Variants in RYR1 observed in about 807,000 individuals in gnomAD.
RYR1 encodes the protein central core disease of muscle.
A neutral mutation model predicts 583.5 loss-of-function variants in RYR1; 342 were observed. The observed-to-expected ratio is 0.59, with a 90% CI of 0.54 to 0.64. RYR1 has a LOEUF of 0.64. Ranked by LOEUF, RYR1 falls within the 30% of genes least tolerant of loss-of-function variation. The probability of loss-of-function intolerance (pLI) is 0.00; values close to 1 mark genes in which losing one functional copy is unlikely to be tolerated. For synonymous variants in RYR1, 2,791 were observed against 2,822.5 expected (o/e 0.99, Z 0.35); for missense variants, 6,032 against 6,917.2 (o/e 0.87, Z 4.54).
At chr19:38,473,338 C>T (rs767982254) in intron 27 of RYR1, 39 bp from the exon 28 acceptor site, 24 of 1,612,332 alleles carry the variant, frequency 1.5e-5, no homozygotes, top group South Asian at 1.2e-4. Context: ...TGGCCTAGCC[C>T]GCCTGCCCAG....
intron 39 of RYR1, among the ~76,000 whole-genome samples, chr19:38,495,449 G>T (rs1029215466): frequency 6.6e-6 from 1 of 152,168 alleles, no homozygotes; most frequent in East Asian, 1.9e-4. Context: ...GGGCTCAAGC[G>T]ATCCTCCTGC....
Position 38,440,854 on chromosome 19 carries a change from G to T in RYR1, c.155G>T (p.Ser52Ile), listed in dbSNP as rs756570405. Reference protein sequence around the residue: ...GNRLCFLEPTSNAQNVPPDLA... With the variant: ...GNRLCFLEPTINAQNVPPDLA... ...CGCCTGTGCTTCCTGGAGCCCACTA[G>T]CAACGCGCAGGTCTGTGCAGGAGGG... The change falls in exon 2 of 106, where the codon AGC becomes ATC. Residue 52 changes from serine (S) to isoleucine (I), a missense_variant. Transcript: ENST00000359596. 6.2e-7 allele frequency: 1 copy of T among 1,612,024 alleles called. No homozygotes were observed. Among genetic ancestry groups the T allele is most frequent in the Non-Finnish European group, 8.5e-7 (1 of 1,179,708 alleles).
chr19:38,539,019 A>G (rs1266640755), intron 84 of RYR1, among the ~76,000 whole-genome samples: 1 of 152,144 alleles, frequency 6.6e-6, no homozygotes, highest in Non-Finnish European at 1.5e-5. Context: ...CGTGACAAGA[A>G]TTGGAGTAAT....
chr19:38,570,512 C>T, intron 93 of RYR1, 95 bp from the exon 94 acceptor site: 1 of 824,732 alleles, frequency 1.2e-6, no homozygotes, highest in Non-Finnish European at 2.1e-6. Flanking sequence ...ATATTGAGAG[C>T]CCAGGTACTT....
Position 38,523,318 on chromosome 19 carries a change from T to C in RYR1, c.10440+9T>C, listed in dbSNP as rs1362049440. The C allele has an allele frequency of 3.1e-6, 5 of 1,614,022 alleles. No individual in the cohort carries two copies. The highest frequency in any genetic ancestry group is 1.6e-4 in the Middle Eastern group (1 of 6,084). ...AAAGCAAAATGGCTAAGGTCGGGGC[T>C]TGGTTCTGGGAGGAGCACTTGGCAG... On this transcript the variant is annotated intron_variant, in intron 69 of 105. Coordinates refer to ENST00000359596, the MANE Select transcript of RYR1 (RefSeq NM_000540.3).
chr19:38,444,242 TCTC>T lies in RYR1; in HGVS notation c.523_525del (p.Ser175del), dbSNP rs1972831577. On this transcript the variant is annotated inframe_deletion, in exon 6 of 106. Coordinates refer to ENST00000359596, the MANE Select transcript of RYR1 (RefSeq NM_000540.3). The surrounding 1 kb of genome is among the most constrained non-coding windows in gnomAD (Gnocchi z 5.1). ...GGGGATGACATCATCCTTGTCAGTG[TCTC>T]CTCCGAGCGCTACCTGGTGAGCCAT... 6.2e-7 allele frequency: 1 copy of T among 1,613,800 alleles called. No homozygotes were observed.
At chr19:38,505,758 CCT>C (rs1207804531) in intron 53 of RYR1, 46 bp from the exon 54 acceptor site, 3 of 1,612,232 alleles carry the variant, frequency 1.9e-6, no homozygotes, top group African/African-American at 2.7e-5. Flanking sequence ...TTCCTCCACC[CCT>C]CTCTCATCCC....
intron 84 of RYR1, among the ~76,000 whole-genome samples, chr19:38,541,880 C>T (rs1001780102): frequency 5.3e-5 from 8 of 151,382 alleles, no homozygotes; most frequent in Admixed American, 2.0e-4. Flanking sequence ...GCCAGGAGTT[C>T]GAGACCAGCC....
intron 27 of RYR1, among the ~76,000 whole-genome samples, chr19:38,472,181 C>T (rs747955593): frequency 3.9e-5 from 6 of 152,156 alleles, no homozygotes; most frequent in Non-Finnish European, 7.3e-5. Context: ...TCCCCACAAC[C>T]TCTGCCTCCC....
At chr19:38,477,626 T>C in intron 29 of RYR1, 84 bp from the exon 30 acceptor site, 1 of 1,579,314 alleles carries the variant, frequency 6.3e-7, no homozygotes. Context: ...GACCCAACAG[T>C]CCAGGGAAAC....
intron 87 of RYR1, among the ~76,000 whole-genome samples, chr19:38,544,877 A>C (rs1972355904): frequency 1.3e-5 from 2 of 152,172 alleles, no homozygotes; most frequent in Admixed American, 1.3e-4. Context: ...GTGGTGGCTT[A>C]AGAAAAATAA....
intron 1 of RYR1, among the ~76,000 whole-genome samples, chr19:38,434,941 A>T (rs1445722813): frequency 6.6e-6 from 1 of 152,140 alleles, no homozygotes; most frequent in Non-Finnish European, 1.5e-5. Context: ...AGGAACAAAC[A>T]GCTGGGGCTG....
intron 25 of RYR1, 189 bp downstream of exon 25, chr19:38,468,001 ACATC>A: frequency 1.6e-6 from 1 of 621,412 alleles, no homozygotes; most frequent in Admixed American, 2.5e-5. Flanking sequence ...GATCTATCAG[ACATC>A]CATCTATCCA....
intron 2 of RYR1, among the ~76,000 whole-genome samples, chr19:38,441,356 A>C (rs1972673862): frequency 1.3e-5 from 2 of 149,568 alleles, no homozygotes; most frequent in African/African-American, 4.9e-5. Context: ...TTCAGGTAAC[A>C]AGACTGAATT....
rs1970202529 is a variant in RYR1 at position 38,502,751 on chromosome 19, T to TGGCGCA, written c.7835+26_7835+27insCGCAGG. On this transcript the variant is annotated intron_variant, in intron 48 of 105. Coordinates refer to ENST00000359596, the MANE Select transcript of RYR1 (RefSeq NM_000540.3). Reference sequence around the variant, plus strand: ...AGGTGGAGCGGGGCAGGCTTCAGGGTGGGGCAGGGGCAGGGGCAGGGGCAG... The same window carrying TGGCGCA: ...AGGTGGAGCGGGGCAGGCTTCAGGGTGGCGCAGGGGCAGGGGCAGGGGCAGGGGCAG... 7 of 1,046,154 alleles carry TGGCGCA rather than the reference T, an allele frequency of 6.7e-6. No individual in the cohort carries two copies. In the African/African-American group the frequency reaches 1.8e-4, roughly 26 times the overall value. 64.8% of individuals were successfully genotyped at this position (1,046,154 alleles called of 1,614,324 possible).
At chr19:38,515,165 C>A (rs1363672574) in intron 64 of RYR1, 58 bp downstream of exon 64, 2 of 1,161,390 alleles carry the variant, frequency 1.7e-6, no homozygotes, top group South Asian at 1.2e-5. Flanking sequence ...AGGGAGGGAG[C>A]AGGGGAAGAA....
intron 27 of RYR1, among the ~76,000 whole-genome samples, chr19:38,472,473 G>A (rs1968474536): frequency 6.6e-6 from 1 of 152,090 alleles, no homozygotes; most frequent in African/African-American, 2.4e-5. Context: ...ACAAGAGCGA[G>A]GTCTGGTAGA....
At chr19:38,541,839 A>G (rs959673163) in intron 84 of RYR1, among the ~76,000 whole-genome samples, 12 of 151,930 alleles carry the variant, frequency 7.9e-5, no homozygotes, top group African/African-American at 2.9e-4. Context: ...TCCCAGCACT[A>G]TGGGAGGTCA....
chr19:38,572,202 CT>C lies in RYR1; in HGVS notation c.13931del (p.Leu4644ArgfsTer4). On this transcript the variant is annotated frameshift_variant, in exon 95 of 106. Coordinates refer to ENST00000359596, the MANE Select transcript of RYR1 (RefSeq NM_000540.3). LOFTEE classifies it high-confidence loss of function. The stretch of plus-strand genomic sequence containing the variant: ...AAGCACAGGCTACATGGAACCCGCC[CT>C]GCGGTGTCTGAGCCTCCTGCATACA... ...EESTGYMEPA[L>X]RCLSLLHTLV... 1 of 1,613,710 alleles carries C rather than the reference CT, an allele frequency of 6.2e-7. No homozygotes were observed. The highest frequency in any genetic ancestry group is 8.5e-7 in the Non-Finnish European group (1 of 1,179,906).
Sources: allele counts gnomAD v4.1 joint callset (sites outside exome capture counted in the v4.1 genomes callset), GRCh38; gene constraint gnomAD v4.1.1; non-coding constraint Gnocchi (gnomAD v3.1); transcripts MANE v1.5; gene names NCBI Gene and HGNC (gene_info 2026-07-23, HGNC 2026-07-21).